The following FGGY variants were observed in gnomAD, a reference collection of about 807,000 sequenced individuals.
FGGY encodes FGGY carbohydrate kinase domain containing.
FGGY carries 72 observed loss-of-function variants against 71.3 expected under a neutral mutation model. That is an observed-to-expected ratio of 1.01 (90% CI 0.84 to 1.23). The LOEUF (loss-of-function observed/expected upper bound fraction) is 1.23, where lower values mean the gene tolerates loss of function less well. Ranked by LOEUF, FGGY falls within the 50% of genes most tolerant of loss-of-function variation. FGGY has a pLI of 0.00. For missense variants in FGGY, 668 were observed against 682.3 expected (o/e 0.98, Z 0.23); for synonymous variants, 251 against 250.3 (o/e 1.00, Z -0.02).
At chr1:59,482,437 G>A (rs535878285) in intron 6 of FGGY, among the ~76,000 whole-genome samples, 6 of 151,862 alleles carry the variant, frequency 4.0e-5, no homozygotes, top group Non-Finnish European at 8.8e-5. Context: ...AGTTTTTGCC[G>A]CAGCAAAAAT....
chr1:59,510,015 G>A (rs903532149), intron 6 of FGGY, among the ~76,000 whole-genome samples: 4 of 150,216 alleles, frequency 2.7e-5, no homozygotes, highest in African/African-American at 9.9e-5. Flanking sequence ...TTTCTAAACG[G>A]TGCTCCTTTT....
At chr1:59,397,660 AGGTG>A (rs2307739) in intron 5 of FGGY, among the ~76,000 whole-genome samples, 9,010 of 152,190 alleles carry the variant, frequency 0.059, 837 homozygotes, top group African/African-American at 0.21. Context: ...CCCACTTCAC[AGGTG>A]GGTGGGTGGT....
intron 8 of FGGY, among the ~76,000 whole-genome samples, chr1:59,556,316 T>G (rs2095685527): frequency 6.6e-6 from 1 of 152,230 alleles, no homozygotes; most frequent in Non-Finnish European, 1.5e-5. Context: ...GAAGCAAATC[T>G]AAATGGATGC....
chr1:59,454,831 G>T (rs1267866570), intron 5 of FGGY, among the ~76,000 whole-genome samples: 2 of 152,178 alleles, frequency 1.3e-5, no homozygotes, highest in African/African-American at 4.8e-5. Flanking sequence ...GCATACCACT[G>T]GTTTCCTGGA....
At chr1:59,330,158 A>C (rs1420416678) in intron 2 of FGGY, among the ~76,000 whole-genome samples, 1 of 152,208 alleles carries the variant, frequency 6.6e-6, no homozygotes, top group African/African-American at 2.4e-5. Flanking sequence ...AATACCATAA[A>C]ATGAAACAAA....
chr1:59,660,245 C>T lies in FGGY; in HGVS notation c.1248C>T (p.Asp416=). 2.5e-6 allele frequency: 4 copies of T among 1,613,550 alleles called. No individual in the cohort carries two copies. Among genetic ancestry groups the T allele is most frequent in the Non-Finnish European group, 3.4e-6 (4 of 1,179,988 alleles). The change falls in exon 12 of 16, where the codon GAC becomes GAT. Residue 416 remains aspartate, a synonymous_variant. Transcript: ENST00000303721. ...GMVTGLKLSQ[D]LDDLAILYLA... is the part of the protein sequence containing the mutation. ...TCACCGGATTGAAACTGTCTCAGGACCTTGATGATCTTGCCATTCTCTACC... is the reference window on the plus strand; with the variant it reads ...TCACCGGATTGAAACTGTCTCAGGATCTTGATGATCTTGCCATTCTCTACC...
At chr1:59,478,796 G>A (rs1260795576) in intron 6 of FGGY, among the ~76,000 whole-genome samples, 4 of 152,168 alleles carry the variant, frequency 2.6e-5, no homozygotes, top group African/African-American at 9.7e-5. Flanking sequence ...TACTTTAGAG[G>A]CCAGGTAGAG....
chr1:59,711,369 C>T (rs2097792891), intron 14 of FGGY, among the ~76,000 whole-genome samples: 1 of 152,020 alleles, frequency 6.6e-6, no homozygotes, highest in African/African-American at 2.4e-5. Flanking sequence ...CAGCAAACCA[C>T]CATGACACAT....
chr1:59,602,685 C>G (rs1416281253), intron 8 of FGGY, among the ~76,000 whole-genome samples: 1 of 152,150 alleles, frequency 6.6e-6, no homozygotes, highest in East Asian at 1.9e-4. Flanking sequence ...TGCCCTTCCT[C>G]TCTGCCCAAG....
In FGGY at chr1:59,307,313, C is replaced by CAA. The variant is rs398049311; in HGVS notation, c.-15+10187_-15+10188dup. Among the ~76,000 whole-genome samples, 558 of 66,508 alleles carry CAA rather than the reference C, an allele frequency of 8.4e-3. 7 individuals are homozygous for CAA. Among genetic ancestry groups the CAA allele is most frequent in the African/African-American group, 0.012 (201 of 17,374 alleles). 43.6% of individuals were successfully genotyped at this position (66,508 alleles called of 152,430 possible). ...TGGGTGATAGAGTGAGACCCTGTCT[C>CAA]AAAAAAAAAAAAAAAAAAAAAAAAA... On this transcript the variant is annotated intron_variant, in intron 1 of 15. Transcript: ENST00000303721.
At chr1:59,742,078 C>T (rs968723090) in intron 14 of FGGY, among the ~76,000 whole-genome samples, 3 of 152,112 alleles carry the variant, frequency 2.0e-5, no homozygotes, top group South Asian at 2.1e-4. Context: ...ACTCCAGCCT[C>T]GGTGACAGAG....
intron 9 of FGGY, among the ~76,000 whole-genome samples, chr1:59,615,210 G>A (rs2096738188): frequency 6.6e-6 from 1 of 152,142 alleles, no homozygotes; most frequent in Admixed American, 6.5e-5. Flanking sequence ...TAAGCCAAAA[G>A]AACAAAGCTG....
chr1:59,618,694 T>C (rs1055928715), intron 9 of FGGY, among the ~76,000 whole-genome samples: 1 of 152,012 alleles, frequency 6.6e-6, no homozygotes, highest in African/African-American at 2.4e-5. Flanking sequence ...TGACTGGAGA[T>C]GACAAAAGTG....
At chr1:59,499,306 T>G (rs1411769703) in intron 6 of FGGY, among the ~76,000 whole-genome samples, 1 of 145,386 alleles carries the variant, frequency 6.9e-6, no homozygotes, top group South Asian at 2.2e-4. Flanking sequence ...TTTGTTTTTT[T>G]TTTTTTTTTG....
intron 1 of FGGY, among the ~76,000 whole-genome samples, chr1:59,303,088 G>A (rs2043009292): frequency 6.6e-6 from 1 of 152,148 alleles, no homozygotes; most frequent in Admixed American, 6.5e-5. Flanking sequence ...CCACAATCAA[G>A]CTAATTATAT....
intron 8 of FGGY, among the ~76,000 whole-genome samples, chr1:59,587,258 G>T (rs987975654): frequency 1.3e-5 from 2 of 152,122 alleles, no homozygotes; most frequent in African/African-American, 4.8e-5. Context: ...GCCCGCCATT[G>T]CCCAGGCTTG....
At chr1:59,459,305 G>T (rs978258049) in intron 6 of FGGY, among the ~76,000 whole-genome samples, 1 of 152,200 alleles carries the variant, frequency 6.6e-6, no homozygotes, top group Non-Finnish European at 1.5e-5. Context: ...AGGGTTTTAA[G>T]TAATAACATG....
chr1:59,480,668 T>C (rs933993748), intron 6 of FGGY, among the ~76,000 whole-genome samples: 1 of 152,130 alleles, frequency 6.6e-6, no homozygotes, highest in African/African-American at 2.4e-5. Context: ...GGAAGTGTTT[T>C]CTAGGTGAAG....
At chr1:59,317,352 T>C (rs1427098362) in intron 1 of FGGY, among the ~76,000 whole-genome samples, 1 of 152,208 alleles carries the variant, frequency 6.6e-6, no homozygotes, top group Non-Finnish European at 1.5e-5. Context: ...TACTCCACCC[T>C]TCTGAGGTAT....
Sources: gnomAD v4.1 joint callset for allele counts (sites outside exome capture counted in the v4.1 genomes callset) on GRCh38, gnomAD v4.1.1 for gene constraint, MANE v1.5 for transcripts, NCBI Gene and HGNC (gene_info 2026-07-23, HGNC 2026-07-21) for gene names.